The following PCDHGA7 variants were observed in gnomAD, a reference collection of about 807,000 sequenced individuals.
The protein encoded by PCDHGA7 is protocadherin gamma-A7.
In PCDHGA7, 44 loss-of-function variants were observed where a neutral mutation model predicts 58.3. The ratio of observed to expected loss-of-function variants is 0.75; its 90% CI spans 0.59 to 0.97. The LOEUF is 0.97. Ranked by LOEUF, PCDHGA7 falls within the 50% of genes least tolerant of loss-of-function variation. PCDHGA7 has a pLI of 0.00. For missense variants in PCDHGA7, 1,266 were observed against 1,188.7 expected, an observed-to-expected ratio of 1.06 and a Z score of -0.96; for synonymous variants, 516 against 504.2, an observed-to-expected ratio of 1.02 and a Z score of -0.31.
chr5:141,506,459 A>G (rs1159808052), intron 3 of PCDHGA7, among the ~76,000 whole-genome samples: 4 of 151,918 alleles, frequency 2.6e-5, no homozygotes, highest in Non-Finnish European at 4.4e-5. Context: ...AAAAAAAAAA[A>G]AAAAAAGAGC....
In PCDHGA7 at chr5:141,487,472, G is replaced by A. The variant is rs2099645737; in HGVS notation, c.2425-7335G>A. The A allele has an allele frequency of 2.5e-6, 4 of 1,614,178 alleles. No individual in the cohort carries two copies. Among genetic ancestry groups the A allele is most frequent in the Non-Finnish European group, 3.4e-6 (4 of 1,180,036 alleles). Reference sequence around the variant, plus strand: ...CCCTATCAAGTTTGTTGATGTGGGAGGCCACTCTCATGGCTGTACACCCTT... The same window carrying A: ...CCCTATCAAGTTTGTTGATGTGGGAAGCCACTCTCATGGCTGTACACCCTT... On this transcript the variant is annotated intron_variant, in intron 1 of 3. Coordinates refer to ENST00000518325, the MANE Select transcript of PCDHGA7 (RefSeq NM_018920.4). This position sits in a 1 kb window ranked among gnomAD's most constrained non-coding sequence, Gnocchi z 5.0.
Position 141,431,915 on chromosome 5 carries a change from A to G in PCDHGA7, c.2424+46592A>G. 1 of 1,614,040 alleles carries G rather than the reference A, an allele frequency of 6.2e-7. No homozygotes were observed. The highest frequency in any genetic ancestry group is 8.5e-7 in the Non-Finnish European group (1 of 1,179,854). On this transcript the variant is annotated intron_variant, in intron 1 of 3. Coordinates refer to ENST00000518325, the MANE Select transcript of PCDHGA7 (RefSeq NM_018920.4). The surrounding 1 kb of genome is among the most constrained non-coding windows in gnomAD (Gnocchi z 4.8). ...GGAAAACGGACAGGTGATCTGTTTC[A>G]TCCAAGGAAATCTGCCCTTTAAATT...
Position 141,449,720 on chromosome 5 carries a change from T to C in PCDHGA7, c.2425-45087T>C, listed in dbSNP as rs373093679. 2.4e-4 allele frequency among the ~76,000 whole-genome samples: 36 copies of C among 151,876 alleles called. No individual in the cohort carries two copies. In the East Asian group the frequency reaches 3.1e-3, roughly 13 times the overall value. ...ACACAAACACATTATTTTTATATGA[T>C]ATGATTTTTTTATGACATGATTATT... On this transcript the variant is annotated intron_variant, in intron 1 of 3. Coordinates refer to ENST00000518325, the MANE Select transcript of PCDHGA7 (RefSeq NM_018920.4).
chr5:141,411,258 A>G (rs1415319110), intron 1 of PCDHGA7: 1 of 152,200 alleles, frequency 6.6e-6, no homozygotes, highest in African/African-American at 2.4e-5. Flanking sequence ...TATCTTATTT[A>G]TATATTTTTA....
In PCDHGA7 at chr5:141,382,828, G is replaced by T. The variant is rs986779175; in HGVS notation, c.-72G>T. ...GAGCTCCCCTTCCTAAGACAGAGGG[G>T]TCCACCCGGATACACCCGCATTCTG... On this transcript the variant is annotated 5_prime_UTR_variant, in exon 1 of 4. Coordinates refer to ENST00000518325, the MANE Select transcript of PCDHGA7 (RefSeq NM_018920.4). The T allele has an allele frequency of 7.3e-7, 1 of 1,372,334 alleles. No individual in the cohort carries two copies. The allele number at this position is 1,372,334 out of a possible 1,614,324, so 85.0% of individuals were successfully genotyped here.
At chr5:141,483,293 G>T (rs532959899) in intron 1 of PCDHGA7, among the ~76,000 whole-genome samples, 1 of 152,264 alleles carries the variant, frequency 6.6e-6, no homozygotes, top group Non-Finnish European at 1.5e-5. Flanking sequence ...TCAGTCATAA[G>T]TGAAGGGACT....
chr5:141,389,085 A>T (rs2091598298), intron 1 of PCDHGA7: 6 of 1,614,054 alleles, frequency 3.7e-6, no homozygotes, highest in Non-Finnish European at 5.1e-6. Context: ...AAACACGTAT[A>T]AATTAGTGAC....
intron 1 of PCDHGA7, chr5:141,403,047 G>T: frequency 6.2e-7 from 1 of 1,614,062 alleles, no homozygotes; most frequent in Non-Finnish European, 8.5e-7. Flanking sequence ...AGTCAGATTC[G>T]CTACTCAGTG....
chr5:141,448,806 G>A (rs1412164815), intron 1 of PCDHGA7, among the ~76,000 whole-genome samples: 1 of 152,008 alleles, frequency 6.6e-6, no homozygotes, highest in Admixed American at 6.5e-5. Context: ...TTAGCCAGGC[G>A]TGATGGCGGG....
chr5:141,428,120 C>G (rs756805763), intron 1 of PCDHGA7: 2 of 1,606,528 alleles, frequency 1.2e-6, no homozygotes, highest in South Asian at 1.1e-5. Context: ...CCATCGAGCC[C>G]GGGCTTTTCA....
At chr5:141,424,936 C>G (rs1160449329) in intron 1 of PCDHGA7, among the ~76,000 whole-genome samples, 1 of 152,182 alleles carries the variant, frequency 6.6e-6, no homozygotes, top group Non-Finnish European at 1.5e-5. Flanking sequence ...AGTCAACACT[C>G]TCACATCACT....
chr5:141,383,101 T>C lies in PCDHGA7; in HGVS notation c.202T>C (p.Ser68Pro), dbSNP rs1561594429. The stretch of plus-strand genomic sequence containing the variant: ...GGCGGAGCGCGGAGTCCGCATCATC[T>C]CCAGAGGTAGGACGCAGCTTTTCGC... ...ELAERGVRII[S>P]RGRTQLFALN... The change falls in exon 1 of 4, where the codon TCC (serine) becomes CCC (proline). Residue 68 changes from serine (S) to proline (P), a missense_variant. Coordinates refer to ENST00000518325, the MANE Select transcript of PCDHGA7 (RefSeq NM_018920.4). 2 of 1,613,954 alleles carry C rather than the reference T, an allele frequency of 1.2e-6. No individual in the cohort carries two copies. The highest frequency in any genetic ancestry group is 8.5e-7 in the Non-Finnish European group (1 of 1,179,926).
Position 141,478,316 on chromosome 5 carries a change from C to T in PCDHGA7, c.2425-16491C>T, listed in dbSNP as rs776948755. ...CCTATACCGAGCCCCGGTGAGCTCA[C>T]TGTACCGAACACCAGGGCCCTCCTT... On this transcript the variant is annotated intron_variant, in intron 1 of 3. Coordinates refer to ENST00000518325, the MANE Select transcript of PCDHGA7 (RefSeq NM_018920.4). 120 of 1,613,924 alleles carry T rather than the reference C, an allele frequency of 7.4e-5. 2 individuals carry two copies. In the South Asian group the frequency reaches 1.3e-3, roughly 18 times the overall value.
chr5:141,431,393 C>T lies in PCDHGA7; in HGVS notation c.2424+46070C>T, dbSNP rs1485575362. 5 of 1,613,884 alleles carry T rather than the reference C, an allele frequency of 3.1e-6. No individual in the cohort carries two copies. Among genetic ancestry groups the T allele is most frequent in the Non-Finnish European group, 4.2e-6 (5 of 1,180,048 alleles). On this transcript the variant is annotated intron_variant, in intron 1 of 3. Coordinates refer to ENST00000518325, the MANE Select transcript of PCDHGA7 (RefSeq NM_018920.4). The surrounding 1 kb of genome is among the most constrained non-coding windows in gnomAD (Gnocchi z 4.8). ...AGAAAAGGCTGCTCACCACCTGGTC[C>T]TTACGGCCTCCGACGGGGGCGACCC...
intron 1 of PCDHGA7, chr5:141,393,806 CA>C (rs1489692597): frequency 6.2e-7 from 1 of 1,613,866 alleles, no homozygotes; most frequent in Non-Finnish European, 8.5e-7. Context: ...TGGGGAGGAC[CA>C]AATTGCTCAT....
chr5:141,433,374 T>A (rs948922353), intron 1 of PCDHGA7, among the ~76,000 whole-genome samples: 36 of 150,958 alleles, frequency 2.4e-4, no homozygotes, highest in African/African-American at 8.6e-4. Flanking sequence ...TATCTATCTA[T>A]CTATCTATCT....
intron 2 of PCDHGA7, among the ~76,000 whole-genome samples, chr5:141,495,902 C>T (rs749735668): frequency 2.6e-5 from 4 of 152,120 alleles, no homozygotes; most frequent in Non-Finnish European, 2.9e-5. Context: ...TTGTCTCTGT[C>T]TCTGTATATC....
At chr5:141,433,662 C>T (rs1377052782) in intron 1 of PCDHGA7, among the ~76,000 whole-genome samples, 1 of 151,950 alleles carries the variant, frequency 6.6e-6, no homozygotes, top group Non-Finnish European at 1.5e-5. Context: ...ATGGAGAAAC[C>T]CCGTCTATAC....
intron 1 of PCDHGA7, chr5:141,423,468 A>G (rs1474468597): frequency 6.2e-7 from 1 of 1,613,960 alleles, no homozygotes; most frequent in Admixed American, 1.7e-5. Flanking sequence ...TGGACGGGGT[A>G]CAGGCTTTCC....
Sources: gnomAD v4.1 joint callset for allele counts (sites outside exome capture counted in the v4.1 genomes callset) on GRCh38, gnomAD v4.1.1 for gene constraint, Gnocchi (gnomAD v3.1) non-coding constraint, MANE v1.5 for transcripts, NCBI Gene and HGNC (gene_info 2026-07-23, HGNC 2026-07-21) for gene names.